Variants in RCSD1 observed in about 807,000 individuals in gnomAD.
RCSD1 encodes the protein capZ-interacting protein.
In RCSD1, 26 loss-of-function variants were observed where a neutral mutation model predicts 42.5. That is an observed-to-expected ratio of 0.61 (90% CI 0.45 to 0.85). The LOEUF (loss-of-function observed/expected upper bound fraction) is 0.85. Ranked by LOEUF, RCSD1 falls within the 40% of genes least tolerant of loss-of-function variation. The probability of loss-of-function intolerance (pLI) is 0.00; values close to 1 mark genes in which losing one functional copy is unlikely to be tolerated. For missense variants in RCSD1, 571 were observed against 528.3 expected (o/e 1.08, Z -0.79); for synonymous variants, 220 against 212.2 (o/e 1.04, Z -0.32).
chr1:167,668,177 C>A (rs939878361), intron 1 of RCSD1, among the ~76,000 whole-genome samples: 1 of 151,732 alleles, frequency 6.6e-6, no homozygotes, highest in African/African-American at 2.4e-5. Context: ...CCCAGCTACT[C>A]GGGAGGCTGC....
intron 1 of RCSD1, among the ~76,000 whole-genome samples, chr1:167,636,479 AC>A (rs1657853907): frequency 6.6e-6 from 1 of 151,734 alleles, no homozygotes; most frequent in South Asian, 2.1e-4. Flanking sequence ...GTCAGGGCCA[AC>A]CTCCTGGCCT....
chr1:167,685,572 A>G (rs1408130013), intron 3 of RCSD1, 62 bp downstream of exon 3: 3 of 1,452,206 alleles, frequency 2.1e-6, no homozygotes, highest in South Asian at 2.3e-5. Flanking sequence ...CTTCTTGAGG[A>G]AAGTTTGGAG....
In RCSD1 at chr1:167,707,836, A is replaced by T. The variant is rs563556026; in HGVS notation, c.*3140A>T. Among the ~76,000 whole-genome samples, 10 of 152,246 alleles carry T rather than the reference A, an allele frequency of 6.6e-5. No homozygotes were observed. The highest frequency in any genetic ancestry group is 1.3e-4 in the Non-Finnish European group (9 of 68,008). Reference sequence around the variant, plus strand: ...GCACCAACCTAATAGCTCGGATTACAAGTATGCACCACCATGCCCAGCTAA... The same window carrying T: ...GCACCAACCTAATAGCTCGGATTACTAGTATGCACCACCATGCCCAGCTAA... On this transcript the variant is annotated 3_prime_UTR_variant, in exon 7 of 7. Transcript: ENST00000367854.
chr1:167,689,320 A>C (rs1013894232), intron 3 of RCSD1, among the ~76,000 whole-genome samples: 1 of 152,070 alleles, frequency 6.6e-6, no homozygotes, highest in Non-Finnish European at 1.5e-5. Flanking sequence ...TGTCTCTACT[A>C]AAAATACAAA....
In RCSD1 at chr1:167,666,621, G is replaced by A. The variant is rs547393149; in HGVS notation, c.7-17279G>A. On this transcript the variant is annotated intron_variant, in intron 1 of 6. Coordinates refer to ENST00000367854, the MANE Select transcript of RCSD1 (RefSeq NM_052862.4). ...GGAATGCTTTCCGTCAGCCCTGGGA[G>A]GGGACAGTAACTGTGAATCAGCCCA... 2.6e-5 allele frequency among the ~76,000 whole-genome samples: 4 copies of A among 152,294 alleles called. No individual in the cohort carries two copies. The South Asian group carries it at 8.3e-4, about 32-fold the overall frequency.
At position 167,707,575 on chromosome 1, in the gene RCSD1, C is replaced by T. The variant is rs554281576; in HGVS notation, c.*2879C>T. On this transcript the variant is annotated 3_prime_UTR_variant, in exon 7 of 7. Coordinates refer to ENST00000367854, the MANE Select transcript of RCSD1 (RefSeq NM_052862.4). ...TGGTCTCTGCTTTCCCTCGTATTGG[C>T]CATATTCTTTTTTTTTTCTTTTTTA... Among the ~76,000 whole-genome samples, 1 of 152,082 alleles carries T rather than the reference C, an allele frequency of 6.6e-6. No individual in the cohort carries two copies. The highest frequency in any genetic ancestry group is 2.4e-5 in the African/African-American group (1 of 41,438).
Position 167,689,065 on chromosome 1 carries a change from G to A in RCSD1, c.199-984G>A, listed in dbSNP as rs111945060. 2.9e-3 allele frequency among the ~76,000 whole-genome samples: 436 copies of A among 152,268 alleles called. 3 individuals carry two copies. Among genetic ancestry groups the A allele is most frequent in the African/African-American group, 0.01 (422 of 41,556 alleles). On this transcript the variant is annotated intron_variant, in intron 3 of 6. Transcript: ENST00000367854. ...AATATCTACAACTAACAGAGAGTAC[G>A]TATGATTATGTAACACATGCATCAG...
intron 1 of RCSD1, among the ~76,000 whole-genome samples, chr1:167,634,669 G>A (rs1657789432): frequency 6.6e-6 from 1 of 152,122 alleles, no homozygotes; most frequent in Non-Finnish European, 1.5e-5. Flanking sequence ...AATTTTCGCT[G>A]ACTAAATCCT....
chr1:167,651,877 C>T (rs1219461544), intron 1 of RCSD1, among the ~76,000 whole-genome samples: 5 of 152,180 alleles, frequency 3.3e-5, no homozygotes, highest in Non-Finnish European at 7.3e-5. Context: ...CTGACCTCCA[C>T]TCTTATCTGG....
intron 1 of RCSD1, among the ~76,000 whole-genome samples, chr1:167,631,357 G>A (rs946396156): frequency 1.3e-5 from 2 of 152,216 alleles, no homozygotes; most frequent in Non-Finnish European, 2.9e-5. Context: ...AGTTTTAAAG[G>A]TGATTCCCAC....
intron 4 of RCSD1, 111 bp downstream of exon 4, chr1:167,690,231 T>C (rs557974820): frequency 4.1e-4 from 364 of 890,996 alleles, no homozygotes; most frequent in Non-Finnish European, 5.6e-4. Flanking sequence ...ACCTGCATAA[T>C]TGGCCCCAAT....
At chr1:167,678,514 G>C (rs1473413084) in intron 1 of RCSD1, among the ~76,000 whole-genome samples, 2 of 151,840 alleles carry the variant, frequency 1.3e-5, no homozygotes, top group Non-Finnish European at 2.9e-5. Flanking sequence ...CCATGCATCA[G>C]TAATTCCCAG....
In RCSD1 at chr1:167,690,228, T is replaced by A. The variant is rs1659344464; in HGVS notation, c.270+108T>A. On this transcript the variant is annotated intron_variant, in intron 4 of 6. Transcript: ENST00000367854. ...AGGGGTAGCCTATGTGTCACCTGCA[T>A]AATTGGCCCCAATAATCAGCCAGTG... 2.3e-5 allele frequency: 21 copies of A among 932,898 alleles called. No individual in the cohort carries two copies. In the South Asian group the frequency reaches 2.6e-4, roughly 11 times the overall value. 57.8% of individuals were successfully genotyped at this position (932,898 alleles called of 1,614,324 possible). A position where few individuals can be genotyped will look rare whatever the true frequency, so the allele number is the denominator to read the frequency against.
At chr1:167,695,982 G>A (rs1659489847) in intron 5 of RCSD1, among the ~76,000 whole-genome samples, 1 of 152,154 alleles carries the variant, frequency 6.6e-6, no homozygotes, top group Non-Finnish European at 1.5e-5. Flanking sequence ...AGCTCTGCTG[G>A]TGCTCCTGAG....
rs1010622873 is a variant in RCSD1, at chr1:167,707,851, T to C, written c.*3155T>C. Among the ~76,000 whole-genome samples, 2 of 152,166 alleles carry C rather than the reference T, an allele frequency of 1.3e-5. No homozygotes were observed. The highest frequency in any genetic ancestry group is 2.1e-4 in the South Asian group (1 of 4,820). On this transcript the variant is annotated 3_prime_UTR_variant, in exon 7 of 7. Coordinates refer to ENST00000367854, the MANE Select transcript of RCSD1 (RefSeq NM_052862.4). ...CTCGGATTACAAGTATGCACCACCA[T>C]GCCCAGCTAATTTTTGTATTTTTTA...
intron 1 of RCSD1, among the ~76,000 whole-genome samples, chr1:167,659,604 T>C (rs1658497645): frequency 1.3e-5 from 2 of 152,214 alleles, no homozygotes; most frequent in Non-Finnish European, 2.9e-5. Flanking sequence ...CAAAGCATGC[T>C]GGGAACTGTG....
intron 5 of RCSD1, 118 bp downstream of exon 5, chr1:167,694,420 G>A: frequency 1.0e-6 from 1 of 971,940 alleles, no homozygotes; most frequent in Non-Finnish European, 1.5e-6. Context: ...GTTACTGTCA[G>A]AGCTGCGTGT....
At chr1:167,633,996 C>T (rs1657766800) in intron 1 of RCSD1, among the ~76,000 whole-genome samples, 1 of 152,182 alleles carries the variant, frequency 6.6e-6, no homozygotes, top group Admixed American at 6.5e-5. Context: ...CATACAAAGC[C>T]TTTTGCAGGC....
At chr1:167,677,192 C>A (rs1417720196) in intron 1 of RCSD1, among the ~76,000 whole-genome samples, 1 of 151,618 alleles carries the variant, frequency 6.6e-6, no homozygotes, top group Non-Finnish European at 1.5e-5. Flanking sequence ...CTCCTCACCC[C>A]TGAAAAAGGC....
Sources: allele counts gnomAD v4.1 joint callset (sites outside exome capture counted in the v4.1 genomes callset), GRCh38; gene constraint gnomAD v4.1.1; transcripts MANE v1.5; gene names NCBI Gene and HGNC (gene_info 2026-07-23, HGNC 2026-07-21).